PSORS1C1: variants seen among roughly 807,000 people sequenced by gnomAD.
PSORS1C1 encodes the protein psoriasis susceptibility 1 candidate gene 1 protein.
In PSORS1C1, 7 loss-of-function variants were observed where a neutral mutation model predicts 9.4. The observed-to-expected ratio is 0.75, with a 90% confidence interval of 0.42 to 1.40. The LOEUF is 1.40. Ranked by LOEUF, PSORS1C1 falls within the 40% of genes most tolerant of loss-of-function variation. The pLI is 0.01. For missense variants in PSORS1C1, 146 were observed against 178.1 expected (o/e 0.82, Z 1.02); for synonymous variants, 63 against 69.4 (o/e 0.91, Z 0.46).
chr6:31,134,700 C>T (rs952736369), intron 3 of PSORS1C1, among the ~76,000 whole-genome samples: 6 of 152,222 alleles, frequency 3.9e-5, no homozygotes, highest in Admixed American at 1.3e-4. Flanking sequence ...CTTTTAACCC[C>T]TCTTCATCCC....
intron 3 of PSORS1C1, among the ~76,000 whole-genome samples, chr6:31,136,579 G>C (rs1274536874): frequency 6.6e-6 from 1 of 152,088 alleles, no homozygotes; most frequent in East Asian, 1.9e-4. Flanking sequence ...TGGTCCTGCC[G>C]ACACACCCCT....
At position 31,138,686 on chromosome 6, in the gene PSORS1C1, A is replaced by G. The variant is rs1210691272; in HGVS notation, c.74A>G (p.Gln25Arg). 1 of 1,613,106 alleles carries G rather than the reference A, an allele frequency of 6.2e-7. No individual in the cohort carries two copies. Among genetic ancestry groups the G allele is most frequent in the African/African-American group, 1.3e-5 (1 of 74,732 alleles). Reference sequence around the variant, plus strand: ...CAGACCCCAGCTTTACAAGGACCCCAGCTCCTTAACACAGATCCCAGCTCC... The same window carrying G: ...CAGACCCCAGCTTTACAAGGACCCCGGCTCCTTAACACAGATCCCAGCTCC... ...GTQTPALQGP[Q>R]LLNTDPSSEE... Residue 25 changes from glutamine (Q) to arginine (R), a missense_variant, in exon 5 of 6, where the codon CAG becomes CGG. Coordinates refer to ENST00000259881, the MANE Select transcript of PSORS1C1 (RefSeq NM_014068.3).
intron 1 of PSORS1C1, chr6:31,116,130 G>C (rs1772099305): frequency 6.2e-7 from 1 of 1,610,968 alleles, no homozygotes; most frequent in African/African-American, 1.3e-5. Context: ...TGGAGCGGCA[G>C]GGGATCTTTC....
At chr6:31,123,266 C>A (rs576963424) in intron 1 of PSORS1C1, among the ~76,000 whole-genome samples, 1 of 152,344 alleles carries the variant, frequency 6.6e-6, no homozygotes, top group Non-Finnish European at 1.5e-5. Flanking sequence ...ACTGTCCTGC[C>A]CACCTGTGGG....
At chr6:31,119,873 T>G (rs1271812006) in intron 1 of PSORS1C1, among the ~76,000 whole-genome samples, 1 of 151,770 alleles carries the variant, frequency 6.6e-6, no homozygotes, top group African/African-American at 2.4e-5. Flanking sequence ...GCCACTGCAC[T>G]CCAGCCTTGG....
intron 3 of PSORS1C1, chr6:31,137,827 C>T: frequency 2.1e-6 from 1 of 467,720 alleles, no homozygotes; most frequent in Non-Finnish European, 3.8e-6. Context: ...AGAATAAAAC[C>T]GAGGGAATGA....
At chr6:31,132,892 A>T (rs1442255670) in intron 3 of PSORS1C1, among the ~76,000 whole-genome samples, 1 of 147,700 alleles carries the variant, frequency 6.8e-6, no homozygotes, top group Non-Finnish European at 1.5e-5. Context: ...GTGGAAAGGG[A>T]GTGGGAAAGT....
chr6:31,118,920 G>C (rs1562755568), intron 1 of PSORS1C1: 1 of 137,008 alleles, frequency 7.3e-6, no homozygotes, highest in Non-Finnish European at 1.5e-5. Context: ...TCAGCTCACT[G>C]TAACCTCTGC....
intron 1 of PSORS1C1, among the ~76,000 whole-genome samples, chr6:31,122,740 T>C (rs977777194): frequency 2.6e-5 from 4 of 152,076 alleles, no homozygotes; most frequent in African/African-American, 4.8e-5. Context: ...GATTGCACCA[T>C]TGCACTCCAG....
At chr6:31,114,957 G>A (rs3094221) in intron 1 of PSORS1C1, 66 bp downstream of exon 1, 243,971 of 432,462 alleles carry the variant, frequency 0.56, 71,396 homozygotes, top group East Asian at 0.72. Flanking sequence ...GGAGGGAGAG[G>A]AAACACTGAG....
At chr6:31,138,325 A>G (rs1323038605) in intron 3 of PSORS1C1, 105 bp from the exon 4 acceptor site, 2 of 1,606,524 alleles carry the variant, frequency 1.2e-6, no homozygotes, top group Non-Finnish European at 1.7e-6. Context: ...GAGGAAGGAG[A>G]AAGGTAAGAG....
chr6:31,139,545 G>A lies in PSORS1C1; in HGVS notation c.168-96G>A, dbSNP rs992033437. 2.0e-5 allele frequency: 25 copies of A among 1,246,988 alleles called. No individual in the cohort carries two copies. Among genetic ancestry groups the A allele is most frequent in the African/African-American group, 7.4e-5 (5 of 67,158 alleles). The allele number at this position is 1,246,988 out of a possible 1,614,324, so 77.2% of individuals were successfully genotyped here. A position where few individuals can be genotyped will look rare whatever the true frequency, so the allele number is the denominator to read the frequency against. ...TACCCCAGCCTCCCCACTCACCCCC[G>A]CACTGAAAGCTCCCCCTGGGGCTTC... On this transcript the variant is annotated intron_variant, in intron 5 of 5. Coordinates refer to ENST00000259881, the MANE Select transcript of PSORS1C1 (RefSeq NM_014068.3). This position sits in a 1 kb window ranked among gnomAD's most constrained non-coding sequence, Gnocchi z 5.2.
At chr6:31,123,760 C>T (rs1772562499) in intron 1 of PSORS1C1, among the ~76,000 whole-genome samples, 1 of 152,256 alleles carries the variant, frequency 6.6e-6, no homozygotes, top group Non-Finnish European at 1.5e-5. Flanking sequence ...CCTTGGCCCC[C>T]AGTGCACGCT....
chr6:31,136,279 C>T (rs1158830520), intron 3 of PSORS1C1, among the ~76,000 whole-genome samples: 5 of 150,752 alleles, frequency 3.3e-5, no homozygotes, highest in South Asian at 4.2e-4. Context: ...CCCAGCTACT[C>T]GGGAGGTTGA....
chr6:31,117,506 T>A, intron 1 of PSORS1C1: 1 of 1,550,878 alleles, frequency 6.4e-7, no homozygotes, highest in Non-Finnish European at 8.7e-7. Context: ...TCTGAGAAGG[T>A]GCCAATGCTC....
At position 31,115,411 on chromosome 6, in the gene PSORS1C1, G is replaced by A. The variant is rs1195493915; in HGVS notation, c.-229+520G>A. ...AGGGAAGTGGCCACAGGAAGGGGCT[G>A]AGATAAGGGCCTTGAGAGGCAATGG... On this transcript the variant is annotated intron_variant, in intron 1 of 5. Transcript: ENST00000259881. The surrounding 1 kb of genome is among the most constrained non-coding windows in gnomAD (Gnocchi z 4.2). 1.7e-5 allele frequency: 3 copies of A among 172,674 alleles called. No individual in the cohort carries two copies. The highest frequency in any genetic ancestry group is 1.3e-5 in the Non-Finnish European group (1 of 79,656). The allele number at this position is 172,674 out of a possible 1,614,324, so 10.7% of individuals were successfully genotyped here. A position where few individuals can be genotyped will look rare whatever the true frequency, so the allele number is the denominator to read the frequency against.
At chr6:31,131,156 C>T (rs555885201) in intron 3 of PSORS1C1, among the ~76,000 whole-genome samples, 3 of 152,220 alleles carry the variant, frequency 2.0e-5, no homozygotes, top group South Asian at 2.1e-4. Flanking sequence ...CTCTCTTCTT[C>T]GGGTTATTTT....
Position 31,139,917 on chromosome 6 carries a change from CAGCTCCTT to C in PSORS1C1, c.445_452del (p.Ser149AspfsTer23). 1 of 1,612,106 alleles carries C rather than the reference CAGCTCCTT, an allele frequency of 6.2e-7. No individual in the cohort carries two copies. On this transcript the variant is annotated frameshift_variant, in exon 6 of 6. Transcript: ENST00000259881. LOFTEE classifies it high-confidence loss of function. The surrounding 1 kb of genome is among the most constrained non-coding windows in gnomAD (Gnocchi z 5.2). ...CTCCCTCCCATTCTCCTTTTGGTCT[CAGCTCCTT>C]GATCTAAGCCTCCCAGAGAGACCCC... is the stretch of plus-strand genomic sequence containing the variant.
At chr6:31,123,018 C>T (rs1179270720) in intron 1 of PSORS1C1, among the ~76,000 whole-genome samples, 6 of 152,182 alleles carry the variant, frequency 3.9e-5, no homozygotes, top group African/African-American at 1.4e-4. Context: ...CACAAACTTC[C>T]CCTGACCAGC....
Sources: allele counts gnomAD v4.1 joint callset (sites outside exome capture counted in the v4.1 genomes callset), GRCh38; gene constraint gnomAD v4.1.1; non-coding constraint Gnocchi (gnomAD v3.1); transcripts MANE v1.5; gene names NCBI Gene and HGNC (gene_info 2026-07-23, HGNC 2026-07-21).